Variants in TNKS observed in about 807,000 individuals in gnomAD.
TNKS encodes the protein poly [ADP-ribose] polymerase tankyrase-1.
Under a neutral mutation model 135.8 loss-of-function variants are expected in TNKS, and 72 were observed. The observed-to-expected ratio is 0.53, with a 90% CI of 0.44 to 0.64. The LOEUF is 0.64. TNKS is among the 30% of genes least tolerant of loss of function. The pLI is 0.00. For synonymous variants in TNKS, 849 were observed against 649.3 expected (o/e 1.31, Z -4.68); for missense variants, 1,769 against 1,674.0 (o/e 1.06, Z -0.99).
Position 9,684,667 on chromosome 8 carries a change from G to A in TNKS, c.1107+3867G>A, listed in dbSNP as rs114448090. Among the ~76,000 whole-genome samples the A allele has an allele frequency of 4.0e-3, 608 of 152,130 alleles. 6 individuals are homozygous for A. Among genetic ancestry groups the A allele is most frequent in the African/African-American group, 0.014 (578 of 41,518 alleles). On this transcript the variant is annotated intron_variant, in intron 5 of 26. Transcript: ENST00000310430. ...ATTAAAAGTAACTAATATTTGATAGGTGCTTTTAAAATAACATCTCCAATG... is the reference window on the plus strand; with the variant it reads ...ATTAAAAGTAACTAATATTTGATAGATGCTTTTAAAATAACATCTCCAATG...
intron 5 of TNKS, among the ~76,000 whole-genome samples, chr8:9,686,141 A>T (rs13270801): frequency 0.63 from 95,981 of 151,948 alleles, 30,632 homozygotes; most frequent in Middle Eastern, 0.72. Context: ...ACTCTGTCCT[A>T]TTCAGGACAC....
intron 3 of TNKS, among the ~76,000 whole-genome samples, chr8:9,635,128 C>T (rs2128773596): frequency 6.6e-6 from 1 of 152,002 alleles, no homozygotes; most frequent in East Asian, 1.9e-4. Flanking sequence ...CGAGACCGCG[C>T]CACTGCACTC....
At chr8:9,706,651 G>GT (rs1188434932) in intron 7 of TNKS, among the ~76,000 whole-genome samples, 160 bp from the exon 8 acceptor site, 2 of 152,174 alleles carry the variant, frequency 1.3e-5, no homozygotes, top group Non-Finnish European at 2.9e-5. Flanking sequence ...TTAAAACATT[G>GT]AATTTAATTT....
intron 26 of TNKS, among the ~76,000 whole-genome samples, chr8:9,770,565 C>T (rs185665562): frequency 3.9e-5 from 6 of 152,332 alleles, no homozygotes; most frequent in East Asian, 1.9e-4. Flanking sequence ...TGTGCCACTT[C>T]GTGGGCAGCA....
chr8:9,762,669 G>A (rs995429500), intron 21 of TNKS, among the ~76,000 whole-genome samples: 8 of 152,240 alleles, frequency 5.3e-5, no homozygotes, highest in East Asian at 1.9e-4. Context: ...TTGGGAGGCC[G>A]AGGCAGGCAG....
chr8:9,615,608 A>G lies in TNKS; in HGVS notation c.925A>G (p.Asn309Asp), dbSNP rs760218661. 2 of 1,613,644 alleles carry G rather than the reference A, an allele frequency of 1.2e-6. No homozygotes were observed. The highest frequency in any genetic ancestry group is 1.6e-4 in the Middle Eastern group (1 of 6,062). ...GCTGCTGCAGCACGGAGCTGACCCA[A>G]ACATTCGGAACACTGATGGGAAATC... Reference protein sequence around the residue: ...IVLLQHGADPNIRNTDGKSAL... With the variant: ...IVLLQHGADPDIRNTDGKSAL... Residue 309 changes from asparagine (N) to aspartate (D), a missense_variant, in exon 3 of 27, where the codon AAC (asparagine) becomes GAC (aspartate). By Grantham distance (23) the Asn-to-Asp change is conservative. This residue lies in a region of TNKS where 523 missense variants were observed against 541.0 expected (regional missense o/e 0.97). Coordinates refer to ENST00000310430, the MANE Select transcript of TNKS (RefSeq NM_003747.3).
chr8:9,676,030 G>A (rs1458448703), intron 3 of TNKS, among the ~76,000 whole-genome samples: 2 of 58,656 alleles, frequency 3.4e-5, no homozygotes, highest in African/African-American at 1.3e-4. Flanking sequence ...TTTTTTTTTT[G>A]AGATAGAGTT....
rs1319247093 is a variant in TNKS, at chr8:9,772,471, A to AGAT, written c.3897+2210_3897+2212dup. 9 of 452,914 alleles carry AGAT rather than the reference A, an allele frequency of 2.0e-5. No individual in the cohort carries two copies. In the East Asian group the frequency reaches 4.2e-4, roughly 21 times the overall value. 28.1% of individuals were successfully genotyped at this position (452,914 alleles called of 1,614,324 possible). ...ATGTTTTACTTTTTTTAATGTTGAA[A>AGAT]GATTGTATTCTTCAAAAATGTTAAT... On this transcript the variant is annotated intron_variant, in intron 26 of 26. Transcript: ENST00000310430.
chr8:9,596,977 G>C (rs1798813228), intron 2 of TNKS, among the ~76,000 whole-genome samples: 1 of 152,226 alleles, frequency 6.6e-6, no homozygotes, highest in African/African-American at 2.4e-5. Context: ...TTGAATATAG[G>C]AGTGGTATAC....
intron 11 of TNKS, among the ~76,000 whole-genome samples, chr8:9,714,509 A>T (rs1804505371): frequency 6.6e-6 from 1 of 152,170 alleles, no homozygotes; most frequent in South Asian, 2.1e-4. Flanking sequence ...CACATATCTA[A>T]TCCCTTTATA....
chr8:9,582,421 G>C (rs973809277), intron 2 of TNKS, among the ~76,000 whole-genome samples: 10 of 152,118 alleles, frequency 6.6e-5, no homozygotes, highest in African/African-American at 1.4e-4. Flanking sequence ...TGAAATACTG[G>C]CCTGATTTTT....
At chr8:9,584,302 C>A (rs186117700) in intron 2 of TNKS, among the ~76,000 whole-genome samples, 1 of 151,790 alleles carries the variant, frequency 6.6e-6, no homozygotes, top group Admixed American at 6.6e-5. Context: ...GAGAGGAATG[C>A]GGAAACTGGT....
rs187915452 is a variant in TNKS at position 9,762,180 on chromosome 8, C to T, written c.3274+544C>T. On this transcript the variant is annotated intron_variant, in intron 21 of 26. Coordinates refer to ENST00000310430, the MANE Select transcript of TNKS (RefSeq NM_003747.3). ...CATGACTGTCAGCTTTGTCTTTTTCCATTGTACTTTGCCGTTACAAGCCTC... is the reference window on the plus strand; with the variant it reads ...CATGACTGTCAGCTTTGTCTTTTTCTATTGTACTTTGCCGTTACAAGCCTC... Among the ~76,000 whole-genome samples the T allele has an allele frequency of 2.1e-3, 314 of 152,142 alleles. 1 individual carries two copies. The highest frequency in any genetic ancestry group is 7.0e-3 in the African/African-American group (290 of 41,474).
At chr8:9,643,910 T>A (rs1396416703) in intron 3 of TNKS, among the ~76,000 whole-genome samples, 2 of 152,078 alleles carry the variant, frequency 1.3e-5, no homozygotes, top group African/African-American at 2.4e-5. Flanking sequence ...TAAAATGTGG[T>A]ATGGAATACA....
rs144670622 is a variant in TNKS at position 9,765,729 on chromosome 8, T to A, written c.3485T>A (p.Phe1162Tyr). The change falls in exon 24 of 27, where the codon TTC becomes TAC. Residue 1162 changes from phenylalanine (F) to tyrosine (Y), a missense_variant. By Grantham distance (22) the Phe-to-Tyr change is conservative. This residue lies in a region of TNKS where 722 missense variants were observed against 688.9 expected (regional missense o/e 1.05). Coordinates refer to ENST00000310430, the MANE Select transcript of TNKS (RefSeq NM_003747.3). ...GTCAACAAGAAGTTGAGGGAGCGGT[T>A]CTGCCACCGACAGAAGGAAGTGTCT... ...KVVNKKLRERFCHRQKEVSEE... is the reference protein window; with the variant it reads ...KVVNKKLRERYCHRQKEVSEE... 1.2e-6 allele frequency: 2 copies of A among 1,613,894 alleles called. No homozygotes were observed. The highest frequency in any genetic ancestry group is 8.5e-7 in the Non-Finnish European group (1 of 1,179,954).
chr8:9,653,825 C>A (rs1268230705), intron 3 of TNKS, among the ~76,000 whole-genome samples: 1 of 152,168 alleles, frequency 6.6e-6, no homozygotes, highest in Non-Finnish European at 1.5e-5. Context: ...TCCCCTCACT[C>A]TTGTTCCTTT....
intron 5 of TNKS, among the ~76,000 whole-genome samples, chr8:9,685,991 A>G (rs1297059573): frequency 1.3e-5 from 2 of 152,096 alleles, no homozygotes; most frequent in Admixed American, 6.5e-5. Flanking sequence ...GGATTTTAAC[A>G]GTCTTTATGT....
At chr8:9,666,509 C>G (rs1221240513) in intron 3 of TNKS, among the ~76,000 whole-genome samples, 1 of 152,080 alleles carries the variant, frequency 6.6e-6, no homozygotes, top group Non-Finnish European at 1.5e-5. Context: ...CACTTGAGGC[C>G]AGGAGTTCGA....
In TNKS at chr8:9,751,639, G is replaced by A. The variant is rs759113562; in HGVS notation, c.2863G>A (p.Ala955Thr). 6.2e-7 allele frequency: 1 copy of A among 1,614,050 alleles called. No homozygotes were observed. ...CGATATCAGAGCTTTGCTGATAGAT[G>A]CCATGCCCCCAGAGGCCTTACCTAC... Reference protein sequence around the residue: ...ADDIRALLIDAMPPEALPTCF... With the variant: ...ADDIRALLIDTMPPEALPTCF... The change falls in exon 19 of 27, where the codon GCC becomes ACC. Residue 955 changes from alanine (A) to threonine (T), a missense_variant. This residue lies in a region of TNKS where 722 missense variants were observed against 688.9 expected (regional missense o/e 1.05). Transcript: ENST00000310430.
Sources: gnomAD v4.1 joint callset for allele counts (sites outside exome capture counted in the v4.1 genomes callset) on GRCh38, gnomAD v4.1.1 for gene constraint, gnomAD v4.1.1 regional missense constraint, MANE v1.5 for transcripts, NCBI Gene and HGNC (gene_info 2026-07-23, HGNC 2026-07-21) for gene names.